The following DMBT1 variants were observed in gnomAD, a reference collection of about 807,000 sequenced individuals.
DMBT1 encodes the protein scavenger receptor cysteine-rich domain-containing protein DMBT1.
In DMBT1, 198 loss-of-function variants were observed where a neutral mutation model predicts 252.9. That is an observed-to-expected ratio of 0.78 (90% CI 0.70 to 0.88). The LOEUF (loss-of-function observed/expected upper bound fraction) is 0.88. Among genes scored for constraint, DMBT1 ranks in the 40% least tolerant of loss-of-function variants. The pLI is 0.00. For synonymous variants in DMBT1, 990 were observed against 942.7 expected (o/e 1.05, Z -0.92); for missense variants, 2,432 against 2,404.7 (o/e 1.01, Z -0.24).
At chr10:122,562,016 T>C (rs1026911661) in intron 1 of DMBT1, among the ~76,000 whole-genome samples, 9 of 151,636 alleles carry the variant, frequency 5.9e-5, no homozygotes, top group Non-Finnish European at 1.2e-4. Context: ...TCCCTCCCCC[T>C]CTCTTTTTCT....
chr10:122,563,297 T>C (rs1285444138), intron 1 of DMBT1, among the ~76,000 whole-genome samples: 1 of 152,210 alleles, frequency 6.6e-6, no homozygotes, highest in Non-Finnish European at 1.5e-5. Context: ...ACCCATGCAG[T>C]ATCTGGCACA....
rs1001885018 is a variant in DMBT1 at position 122,619,051 on chromosome 10, G to A, written c.5216-257G>A. ...ACTGCCAAAACATCCAAGGGAGAGTGTTGGTTTTGGGTCAACCTGGTCACC... is the reference window on the plus strand; with the variant it reads ...ACTGCCAAAACATCCAAGGGAGAGTATTGGTTTTGGGTCAACCTGGTCACC... On this transcript the variant is annotated intron_variant, in intron 41 of 55. Coordinates refer to ENST00000338354, the MANE Select transcript of DMBT1 (RefSeq NM_001377530.1). 2.0e-5 allele frequency among the ~76,000 whole-genome samples: 3 copies of A among 152,330 alleles called. No homozygotes were observed. In the Middle Eastern group the frequency reaches 0.01, roughly 518 times the overall value.
chr10:122,638,564 C>T lies in DMBT1; in HGVS notation c.6942+1252C>T, dbSNP rs559819838. On this transcript the variant is annotated intron_variant, in intron 54 of 55. Coordinates refer to ENST00000338354, the MANE Select transcript of DMBT1 (RefSeq NM_001377530.1). ...TTAAGCAATCTTCCAGCCTCAGCCT[C>T]CAGAGTAGCTGGGACTATAGGCATG... Among the ~76,000 whole-genome samples the T allele has an allele frequency of 1.1e-3, 160 of 152,338 alleles. 1 individual carries two copies. Among genetic ancestry groups the T allele is most frequent in the African/African-American group, 3.6e-3 (150 of 41,568 alleles).
chr10:122,641,429 G>A (rs1844506669), intron 55 of DMBT1, among the ~76,000 whole-genome samples: 1 of 152,126 alleles, frequency 6.6e-6, no homozygotes, highest in Admixed American at 6.5e-5. Context: ...ATTAGAGGTG[G>A]GCAGATTCAA....
chr10:122,597,892 T>C (rs3981006), intron 24 of DMBT1, 82 bp from the exon 25 acceptor site: 533 of 1,604,314 alleles, frequency 3.3e-4, no homozygotes, highest in Admixed American at 1.1e-3. Flanking sequence ...TTTCATGATG[T>C]TTGCCTTCTC....
Position 122,592,562 on chromosome 10 carries a change from G to C in DMBT1, c.2467G>C (p.Gly823Arg), listed in dbSNP as rs767512064. The C allele has an allele frequency of 6.3e-7, 1 of 1,588,384 alleles. No homozygotes were observed. Among genetic ancestry groups the C allele is most frequent in the Non-Finnish European group, 8.6e-7 (1 of 1,165,648 alleles). The change falls in exon 20 of 56, where the codon GGC (glycine) becomes CGC (arginine). Residue 823 changes from glycine (G) to arginine (R), a missense_variant. Around this residue, in one of 3 missense-constraint regions of DMBT1, gnomAD observed 1,264 missense variants for 1,082.2 expected, o/e 1.17. Transcript: ENST00000338354. ...CAATGGCTGGCTCTCCCACAACTGTGGCCATCATGAAGATGCTGGTGTCAT... is the reference window on the plus strand; with the variant it reads ...CAATGGCTGGCTCTCCCACAACTGTCGCCATCATGAAGATGCTGGTGTCAT... ...PHNGWLSHNC[G>R]HHEDAGVICS...
chr10:122,590,799 GTC>G, intron 18 of DMBT1, 105 bp downstream of exon 18: 1 of 1,386,092 alleles, frequency 7.2e-7, no homozygotes, highest in African/African-American at 1.4e-5. Context: ...GATACTGTGG[GTC>G]ATACTATTTT....
chr10:122,590,107 C>T (rs897760305), intron 17 of DMBT1, among the ~76,000 whole-genome samples: 6 of 148,418 alleles, frequency 4.0e-5, no homozygotes, highest in South Asian at 2.3e-4. Context: ...GAGGGTCTTC[C>T]GCTGAGGCCC....
rs1443781398 is a variant in DMBT1, at chr10:122,579,365, G to A, written c.680-213G>A. Among the ~76,000 whole-genome samples, 3 of 152,102 alleles carry A rather than the reference G, an allele frequency of 2.0e-5. 1 individual carries two copies. The highest frequency in any genetic ancestry group is 4.2e-4 in the South Asian group (2 of 4,816). On this transcript the variant is annotated intron_variant, in intron 9 of 55. Transcript: ENST00000338354. ...CCCATCACATCCACTGGGGTCACAGGTGCTTCCCCAAAAGTTGAGCATCCA... is the reference window on the plus strand; with the variant it reads ...CCCATCACATCCACTGGGGTCACAGATGCTTCCCCAAAAGTTGAGCATCCA...
chr10:122,572,429 C>A, intron 5 of DMBT1, 68 bp downstream of exon 5: 3 of 1,586,186 alleles, frequency 1.9e-6, no homozygotes. Context: ...CATCTCTGAC[C>A]CAGATGAGGT....
At chr10:122,597,331 A>C (rs1479283663) in intron 24 of DMBT1, among the ~76,000 whole-genome samples, 2 of 152,166 alleles carry the variant, frequency 1.3e-5, no homozygotes, top group Non-Finnish European at 2.9e-5. Flanking sequence ...CCTCATATTT[A>C]ATTAGCTTTG....
intron 40 of DMBT1, 120 bp from the exon 41 acceptor site, chr10:122,617,897 C>G: frequency 6.6e-7 from 1 of 1,507,194 alleles, no homozygotes; most frequent in Non-Finnish European, 9.0e-7. Context: ...CAGTTGTATG[C>G]AATTGTGACT....
intron 55 of DMBT1, among the ~76,000 whole-genome samples, 161 bp downstream of exon 55, chr10:122,640,610 C>T (rs1337667038): frequency 4.6e-5 from 7 of 152,222 alleles, no homozygotes; most frequent in Admixed American, 1.3e-4. Flanking sequence ...CTGTAGCTTT[C>T]ACCTTTGAGG....
At chr10:122,585,906 T>C (rs1256493596) in intron 15 of DMBT1, among the ~76,000 whole-genome samples, 154 bp from the exon 16 acceptor site, 1 of 148,906 alleles carries the variant, frequency 6.7e-6, no homozygotes, top group Non-Finnish European at 1.5e-5. Context: ...TTCTTTGACT[T>C]TGATGAAGCT....
In DMBT1 at chr10:122,618,072, C is replaced by A. The variant is rs553233854; in HGVS notation, c.4947C>A (p.Gly1649=). 1.2e-6 allele frequency: 2 copies of A among 1,613,728 alleles called. No individual in the cohort carries two copies. Among genetic ancestry groups the A allele is most frequent in the East Asian group, 2.2e-5 (1 of 44,846 alleles). The change falls in exon 41 of 56, where the codon GGC becomes GGA. Residue 1649 remains glycine, a synonymous_variant. Coordinates refer to ENST00000338354, the MANE Select transcript of DMBT1 (RefSeq NM_001377530.1). The part of the protein sequence containing the change: ...RLVNGGDRCR[G]RVEVLYQGSW... Reference sequence around the variant, plus strand: ...TGAATGGAGGTGACAGGTGTCGAGGCCGAGTGGAGGTCCTATACCAAGGCT... The same window carrying A: ...TGAATGGAGGTGACAGGTGTCGAGGACGAGTGGAGGTCCTATACCAAGGCT...
At chr10:122,640,932 G>A (rs761210842) in intron 55 of DMBT1, among the ~76,000 whole-genome samples, 3 of 152,218 alleles carry the variant, frequency 2.0e-5, no homozygotes, top group South Asian at 2.1e-4. Flanking sequence ...CCAGTTGCTC[G>A]CCTGTCAAGT....
At chr10:122,593,195 G>A (rs1203115274) in intron 20 of DMBT1, among the ~76,000 whole-genome samples, 1 of 148,928 alleles carries the variant, frequency 6.7e-6, no homozygotes, top group Admixed American at 6.7e-5. Flanking sequence ...CATGAGACAG[G>A]CCAGGCATGG....
In DMBT1 at chr10:122,633,232, G is replaced by C; in HGVS notation, c.6439G>C (p.Asp2147His). ...AGGCTTCCTATCCCAACCATCAGGG[G>C]ACTTTTCCAGCCCATTCTATCCCGG... ...CGGFLSQPSG[D>H]FSSPFYPGNY... is the part of the protein sequence containing the mutation. The change falls in exon 52 of 56, where the codon GAC becomes CAC. Residue 2147 changes from aspartate to histidine, a missense_variant. Physicochemically the swap from Asp to His is moderately conservative, Grantham distance 81 (BLOSUM62 -1). Transcript: ENST00000338354. 6.2e-7 allele frequency: 1 copy of C among 1,614,006 alleles called. No homozygotes were observed. The highest frequency in any genetic ancestry group is 8.5e-7 in the Non-Finnish European group (1 of 1,179,910).
chr10:122,591,655 G>A, intron 19 of DMBT1, 138 bp downstream of exon 19: 1 of 1,031,152 alleles, frequency 9.7e-7, no homozygotes, highest in East Asian at 2.7e-5. Flanking sequence ...AGGAAGTTGA[G>A]TCTCTGGGGA....
Sources: gnomAD v4.1 joint callset for allele counts (sites outside exome capture counted in the v4.1 genomes callset) on GRCh38, gnomAD v4.1.1 for gene constraint, gnomAD v4.1.1 regional missense constraint, MANE v1.5 for transcripts, NCBI Gene and HGNC (gene_info 2026-07-23, HGNC 2026-07-21) for gene names.